ST8SIA6: variants seen among roughly 807,000 people sequenced by gnomAD.
ST8SIA6 encodes alpha-2,8-sialyltransferase 8F.
In ST8SIA6, 39 loss-of-function variants were observed where a neutral mutation model predicts 33.6. The observed-to-expected ratio is 1.16, with a 90% CI of 0.90 to 1.52. ST8SIA6 has a LOEUF of 1.52. Ranked by LOEUF, ST8SIA6 falls within the 40% of genes most tolerant of loss-of-function variation. The pLI, the probability that ST8SIA6 is intolerant of heterozygous loss-of-function variation, is 0.00. For synonymous variants in ST8SIA6, 172 were observed against 167.2 expected (o/e 1.03, Z -0.22); for missense variants, 441 against 443.8 (o/e 0.99, Z 0.06).
chr10:17,365,335 T>G (rs1014701508), intron 3 of ST8SIA6, among the ~76,000 whole-genome samples: 4 of 152,244 alleles, frequency 2.6e-5, no homozygotes, highest in Non-Finnish European at 5.9e-5. Context: ...TTTCAAGCAC[T>G]ATAATTTATG....
rs1276149242 is a variant in ST8SIA6, at chr10:17,315,990, C to T, written c.*4888G>A. 1.3e-5 allele frequency among the ~76,000 whole-genome samples: 2 copies of T among 151,924 alleles called. No individual in the cohort carries two copies. Among genetic ancestry groups the T allele is most frequent in the Non-Finnish European group, 2.9e-5 (2 of 67,908 alleles). On this transcript the variant is annotated 3_prime_UTR_variant, in exon 8 of 8. Transcript: ENST00000377602. ...ATATGAGTTGAATACTAGCTCTGCT[C>T]TTATATATAATGCAACCTTATATAA... is the stretch of plus-strand genomic sequence containing the variant.
intron 2 of ST8SIA6, among the ~76,000 whole-genome samples, chr10:17,402,089 A>G (rs1432808824): frequency 1.3e-5 from 2 of 152,206 alleles, no homozygotes; most frequent in Non-Finnish European, 1.5e-5. Context: ...TTTACAAGAA[A>G]AAAACAACCC....
At chr10:17,405,884 CAAA>C (rs10546412) in intron 2 of ST8SIA6, among the ~76,000 whole-genome samples, 6 of 85,386 alleles carry the variant, frequency 7.0e-5, no homozygotes, top group South Asian at 4.1e-4. Flanking sequence ...GACTCCATTT[CAAA>C]AAAAAAAAAA....
chr10:17,445,694 TG>T (rs1852680735), intron 2 of ST8SIA6, among the ~76,000 whole-genome samples: 1 of 152,200 alleles, frequency 6.6e-6, no homozygotes, highest in African/African-American at 2.4e-5. Flanking sequence ...GATTACATGT[TG>T]ATTACATTAT....
chr10:17,452,717 G>C (rs1188306203), intron 2 of ST8SIA6, among the ~76,000 whole-genome samples: 2 of 152,082 alleles, frequency 1.3e-5, no homozygotes, highest in Non-Finnish European at 2.9e-5. Context: ...TCTGAAAATG[G>C]AAACTATTAA....
Position 17,333,676 on chromosome 10 carries a change from T to TATATATATATAG in ST8SIA6, c.378-2125_378-2124insCTATATATATAT, listed in dbSNP as rs1848373535. ...CTACTTAATAAATGGTGCTGGGATA[T>TATATATATATAG]ATATATATATATATATATATATATA... is the stretch of plus-strand genomic sequence containing the variant. On this transcript the variant is annotated intron_variant, in intron 4 of 7. Transcript: ENST00000377602. Among the ~76,000 whole-genome samples, 5 of 21,352 alleles carry TATATATATATAG rather than the reference T, an allele frequency of 2.3e-4. 1 individual carries two copies. Among genetic ancestry groups the TATATATATATAG allele is most frequent in the South Asian group, 1.4e-3 (1 of 714 alleles). 14.0% of individuals were successfully genotyped at this position (21,352 alleles called of 152,430 possible).
rs1199196923 is a variant in ST8SIA6 at position 17,319,689 on chromosome 10, A to G, written c.*1189T>C. 1.3e-5 allele frequency among the ~76,000 whole-genome samples: 2 copies of G among 152,206 alleles called. No individual in the cohort carries two copies. The highest frequency in any genetic ancestry group is 4.8e-5 in the African/African-American group (2 of 41,454). ...GGATATTATATGGGAAAAAAAAGTAAGCTCTAAATGTCCTAACTATATGTA... is the reference window on the plus strand; with the variant it reads ...GGATATTATATGGGAAAAAAAAGTAGGCTCTAAATGTCCTAACTATATGTA... On this transcript the variant is annotated 3_prime_UTR_variant, in exon 8 of 8. Coordinates refer to ENST00000377602, the MANE Select transcript of ST8SIA6 (RefSeq NM_001004470.3).
intron 2 of ST8SIA6, among the ~76,000 whole-genome samples, chr10:17,452,431 C>T (rs1253064028): frequency 6.6e-6 from 1 of 152,104 alleles, no homozygotes; most frequent in Non-Finnish European, 1.5e-5. Context: ...GAAAAGAGAC[C>T]GTATAGCAGA....
chr10:17,348,935 G>A (rs536508259), intron 4 of ST8SIA6, among the ~76,000 whole-genome samples: 1 of 152,224 alleles, frequency 6.6e-6, no homozygotes, highest in East Asian at 1.9e-4. Context: ...GTAACTCTTG[G>A]CTCTGCCTGT....
chr10:17,385,100 C>A (rs1169776580), intron 3 of ST8SIA6, among the ~76,000 whole-genome samples: 2 of 152,128 alleles, frequency 1.3e-5, no homozygotes, highest in Non-Finnish European at 2.9e-5. Context: ...ATATCTTGGG[C>A]CTCCAAAATC....
chr10:17,383,382 A>G (rs1850224865), intron 3 of ST8SIA6, among the ~76,000 whole-genome samples: 1 of 152,202 alleles, frequency 6.6e-6, no homozygotes, highest in Non-Finnish European at 1.5e-5. Context: ...ATAAAGTGGT[A>G]TTTAGTTTTC....
intron 4 of ST8SIA6, among the ~76,000 whole-genome samples, chr10:17,358,963 T>C (rs1226929030): frequency 1.3e-5 from 2 of 152,170 alleles, no homozygotes; most frequent in Non-Finnish European, 2.9e-5. Context: ...TTTATTCCTG[T>C]CTGGATGGGC....
At chr10:17,392,361 A>G (rs1451318882) in intron 2 of ST8SIA6, among the ~76,000 whole-genome samples, 2 of 152,092 alleles carry the variant, frequency 1.3e-5, no homozygotes, top group African/African-American at 4.8e-5. Context: ...CGTTCAAGGC[A>G]GAGGAAAAAG....
chr10:17,418,752 G>A (rs1485402126), intron 2 of ST8SIA6, among the ~76,000 whole-genome samples: 1 of 152,114 alleles, frequency 6.6e-6, no homozygotes, highest in South Asian at 2.1e-4. Context: ...CAGCACTTTG[G>A]GAGGCCGAGG....
At chr10:17,428,191 G>C (rs1851994260) in intron 2 of ST8SIA6, among the ~76,000 whole-genome samples, 1 of 152,162 alleles carries the variant, frequency 6.6e-6, no homozygotes, top group African/African-American at 2.4e-5. Context: ...GTATTCCATA[G>C]GTTGCTTTGA....
chr10:17,438,148 T>G (rs985859709), intron 2 of ST8SIA6, among the ~76,000 whole-genome samples: 7 of 152,168 alleles, frequency 4.6e-5, no homozygotes, highest in Non-Finnish European at 8.8e-5. Flanking sequence ...TTATGAGAGG[T>G]CTTTCCCTGT....
chr10:17,329,721 G>A (rs1848237739), intron 5 of ST8SIA6, among the ~76,000 whole-genome samples: 1 of 152,124 alleles, frequency 6.6e-6, no homozygotes, highest in South Asian at 2.1e-4. Flanking sequence ...TCAACTGGGA[G>A]GAAAACATCT....
At chr10:17,446,123 A>C (rs1442094073) in intron 2 of ST8SIA6, among the ~76,000 whole-genome samples, 1 of 152,128 alleles carries the variant, frequency 6.6e-6, no homozygotes, top group Non-Finnish European at 1.5e-5. Context: ...TAAAAAGGGA[A>C]ATCTTTTAGT....
chr10:17,405,732 CTT>C (rs1851231257), intron 2 of ST8SIA6, among the ~76,000 whole-genome samples: 1 of 151,290 alleles, frequency 6.6e-6, no homozygotes, highest in African/African-American at 2.4e-5. Context: ...AAGTACAAAA[CTT>C]AGCCGGGCGT....
Sources: allele counts gnomAD v4.1 joint callset (sites outside exome capture counted in the v4.1 genomes callset), GRCh38; gene constraint gnomAD v4.1.1; transcripts MANE v1.5; gene names NCBI Gene and HGNC (gene_info 2026-07-23, HGNC 2026-07-21).